OSTN: variants seen among roughly 807,000 people sequenced by gnomAD.
OSTN encodes the protein osteocrin.
A neutral mutation model predicts 12.0 loss-of-function variants in OSTN; 9 were observed. The ratio of observed to expected loss-of-function variants is 0.75; its 90% CI spans 0.45 to 1.30. OSTN has a LOEUF of 1.30. OSTN is among the 50% of genes most tolerant of loss of function. The probability of loss-of-function intolerance (pLI) is 0.00; values close to 1 mark genes in which losing one functional copy is unlikely to be tolerated. For synonymous variants in OSTN, 59 were observed against 56.9 expected, an observed-to-expected ratio of 1.04 and a Z score of -0.16; for missense variants, 148 against 152.3, an observed-to-expected ratio of 0.97 and a Z score of 0.15.
Position 191,265,150 on chromosome 3 carries a change from A to G in OSTN, c.*2297A>G, listed in dbSNP as rs796372496. 2.6e-5 allele frequency: 4 copies of G among 152,324 alleles called. No individual in the cohort carries two copies. The highest frequency in any genetic ancestry group is 9.6e-5 in the African/African-American group (4 of 41,586). 9.4% of individuals were successfully genotyped at this position (152,324 alleles called of 1,614,324 possible). On this transcript the variant is annotated 3_prime_UTR_variant, in exon 5 of 5. Coordinates refer to ENST00000682035, the MANE Select transcript of OSTN (RefSeq NM_198184.2). ...AAATTAAGACAGAATTTTTGTTAAG[A>G]ATATGACAAGTCATCTCACTTATTT...
chr3:191,250,783 T>C (rs1005038697), intron 4 of OSTN, among the ~76,000 whole-genome samples: 3 of 152,212 alleles, frequency 2.0e-5, no homozygotes, highest in African/African-American at 7.2e-5. Context: ...ATGCAAGTGA[T>C]AGTTTACATT....
At chr3:191,262,008 G>A (rs1715822838) in intron 4 of OSTN, among the ~76,000 whole-genome samples, 2 of 152,194 alleles carry the variant, frequency 1.3e-5, no homozygotes, top group African/African-American at 4.8e-5. Flanking sequence ...CCTGAGGTCA[G>A]GAGTTTGAGA....
Position 191,233,862 on chromosome 3 carries a change from G to A in OSTN, c.317+14901G>A, listed in dbSNP as rs550036335. On this transcript the variant is annotated intron_variant, in intron 3 of 4. Coordinates refer to ENST00000682035, the MANE Select transcript of OSTN (RefSeq NM_198184.2). ...TACAAAATTTGCTGGGTGTGGCGGCGCATGCCTGTGATCCTAGCTACTTGG... is the reference window on the plus strand; with the variant it reads ...TACAAAATTTGCTGGGTGTGGCGGCACATGCCTGTGATCCTAGCTACTTGG... Among the ~76,000 whole-genome samples, 40 of 152,046 alleles carry A rather than the reference G, an allele frequency of 2.6e-4. No homozygotes were observed. The Middle Eastern group carries it at 0.01, about 39-fold the overall frequency.
At chr3:191,243,651 C>T (rs1307062031) in intron 3 of OSTN, among the ~76,000 whole-genome samples, 1 of 152,106 alleles carries the variant, frequency 6.6e-6, no homozygotes, top group Non-Finnish European at 1.5e-5. Flanking sequence ...TGATACCACA[C>T]TCACATATCT....
At chr3:191,262,047 T>C (rs776237032) in intron 4 of OSTN, among the ~76,000 whole-genome samples, 1 of 152,100 alleles carries the variant, frequency 6.6e-6, no homozygotes, top group Non-Finnish European at 1.5e-5. Context: ...TGAAACCTCA[T>C]CTCTACTAAA....
intron 3 of OSTN, among the ~76,000 whole-genome samples, chr3:191,237,658 G>T (rs563390527): frequency 5.3e-5 from 8 of 152,162 alleles, no homozygotes; most frequent in Non-Finnish European, 1.0e-4. Context: ...CTCTTAAAGC[G>T]CATGCTTGAG....
chr3:191,199,896 GATTGA>G (rs1560110547), intron 1 of OSTN, among the ~76,000 whole-genome samples: 1 of 152,092 alleles, frequency 6.6e-6, no homozygotes, highest in East Asian at 1.9e-4. Context: ...GCTATTCAAT[GATTGA>G]ATTGAGAGTT....
At chr3:191,259,200 G>GGTT (rs141028882) in intron 4 of OSTN, among the ~76,000 whole-genome samples, 3 of 147,280 alleles carry the variant, frequency 2.0e-5, no homozygotes, top group Non-Finnish European at 4.5e-5. Context: ...AAAACAATCT[G>GGTT]TTTTTTTTTT....
chr3:191,241,749 G>C (rs1034751954), intron 3 of OSTN, among the ~76,000 whole-genome samples: 2 of 152,136 alleles, frequency 1.3e-5, no homozygotes, highest in Non-Finnish European at 2.9e-5. Flanking sequence ...GTGCTATTCT[G>C]TAACATAAGC....
chr3:191,211,094 A>G (rs1395730686), intron 1 of OSTN, among the ~76,000 whole-genome samples: 1 of 152,214 alleles, frequency 6.6e-6, no homozygotes, highest in Non-Finnish European at 1.5e-5. Flanking sequence ...TGTTTTTTCT[A>G]TAAGTTTACT....
intron 1 of OSTN, among the ~76,000 whole-genome samples, chr3:191,204,595 A>G (rs1338368844): frequency 1.3e-5 from 2 of 152,236 alleles, no homozygotes; most frequent in Non-Finnish European, 2.9e-5. Context: ...TCGCAGTTTC[A>G]ATAAAAAAAG....
chr3:191,259,200 G>GTTTTT (rs34341899), intron 4 of OSTN, among the ~76,000 whole-genome samples: 3 of 147,342 alleles, frequency 2.0e-5, no homozygotes, highest in Admixed American at 6.7e-5. Flanking sequence ...AAAACAATCT[G>GTTTTT]TTTTTTTTTT....
At chr3:191,255,352 C>T (rs1715648155) in intron 4 of OSTN, among the ~76,000 whole-genome samples, 1 of 152,178 alleles carries the variant, frequency 6.6e-6, no homozygotes, top group Admixed American at 6.5e-5. Flanking sequence ...TGCTGCTTTA[C>T]CGCAAGTCAG....
intron 3 of OSTN, among the ~76,000 whole-genome samples, chr3:191,222,656 A>C (rs1823905): frequency 6.6e-6 from 1 of 152,028 alleles, no homozygotes; most frequent in Non-Finnish European, 1.5e-5. Flanking sequence ...AGGGATGATC[A>C]TGTTTTGAAA....
chr3:191,223,078 A>G (rs1353966947), intron 3 of OSTN, among the ~76,000 whole-genome samples: 15 of 152,188 alleles, frequency 9.9e-5, no homozygotes, highest in Admixed American at 9.8e-4. Context: ...TATGTCCTTC[A>G]TAGCAGTGTG....
intron 4 of OSTN, among the ~76,000 whole-genome samples, chr3:191,260,561 A>G (rs1042648273): frequency 6.6e-6 from 1 of 152,218 alleles, no homozygotes; most frequent in Non-Finnish European, 1.5e-5. Context: ...TTAACCAGGC[A>G]ACAACGGCTG....
chr3:191,219,514 C>G (rs912358886), intron 3 of OSTN, among the ~76,000 whole-genome samples: 28 of 152,166 alleles, frequency 1.8e-4, no homozygotes, highest in African/African-American at 6.8e-4. Flanking sequence ...AGAATAATTA[C>G]TTGCTTCCAT....
chr3:191,225,820 AC>A (rs1357369335), intron 3 of OSTN, among the ~76,000 whole-genome samples: 1 of 152,114 alleles, frequency 6.6e-6, no homozygotes, highest in African/African-American at 2.4e-5. Flanking sequence ...CCTGGAGGCT[AC>A]AAAAGGTGGA....
At chr3:191,207,037 A>G in intron 1 of OSTN, among the ~76,000 whole-genome samples, 1 of 152,170 alleles carries the variant, frequency 6.6e-6, no homozygotes, top group African/African-American at 2.4e-5. Flanking sequence ...TGGTCATTTC[A>G]TGGTGTCAGA....
Sources: allele counts gnomAD v4.1 joint callset (sites outside exome capture counted in the v4.1 genomes callset), GRCh38; gene constraint gnomAD v4.1.1; transcripts MANE v1.5; gene names NCBI Gene and HGNC (gene_info 2026-07-23, HGNC 2026-07-21).